Variants in GRTP1 observed in about 807,000 individuals in gnomAD.
GRTP1 encodes the protein growth hormone-regulated TBC protein 1.
In GRTP1, 56 loss-of-function variants were observed where a neutral mutation model predicts 38.1. The observed-to-expected ratio is 1.47, with a 90% CI of 1.19 to 1.84. The LOEUF is 1.84. Among genes scored for constraint, GRTP1 ranks in the 40% most tolerant of loss-of-function variants. The pLI is 0.00. For missense variants in GRTP1, 506 were observed against 453.9 expected (o/e 1.11, Z -1.04); for synonymous variants, 217 against 189.5 (o/e 1.14, Z -1.19).
chr13:113,355,317 C>A lies in GRTP1; in HGVS notation c.340+6G>T. 6.2e-7 allele frequency: 1 copy of A among 1,613,662 alleles called. No individual in the cohort carries two copies. The highest frequency in any genetic ancestry group is 8.5e-7 in the Non-Finnish European group (1 of 1,179,778). On this transcript the variant is annotated splice_donor_region_variant and intron_variant, in intron 3 of 7. Transcript: ENST00000375431. ...CTGCACCAGAGCTCGACCCCCACCG[C>A]CTCACCTGTCCTGATGGCGTCCTCC... is the stretch of plus-strand genomic sequence containing the variant.
Position 113,342,074 on chromosome 13 carries a change from C to T in GRTP1, c.562+2789G>A, listed in dbSNP as rs2043033907. ...TCTTGTGCCTCAGCCTCCTAAGTAGCTGGGATTACAGGCATCTGCCACCAC... is the reference window on the plus strand; with the variant it reads ...TCTTGTGCCTCAGCCTCCTAAGTAGTTGGGATTACAGGCATCTGCCACCAC... On this transcript the variant is annotated intron_variant, in intron 5 of 7. Coordinates refer to ENST00000375431, the MANE Select transcript of GRTP1 (RefSeq NM_024719.4). This position sits in a 1 kb window ranked among gnomAD's most constrained non-coding sequence, Gnocchi z 4.5. Among the ~76,000 whole-genome samples the T allele has an allele frequency of 6.6e-6, 1 of 152,078 alleles. No individual in the cohort carries two copies. The highest frequency in any genetic ancestry group is 1.5e-5 in the Non-Finnish European group (1 of 68,008).
intron 5 of GRTP1, among the ~76,000 whole-genome samples, chr13:113,329,052 T>C (rs1377766468): frequency 6.6e-6 from 1 of 152,230 alleles, no homozygotes; most frequent in Non-Finnish European, 1.5e-5. Context: ...AGCCACGCTT[T>C]ATGTCCCCCG....
Position 113,344,874 on chromosome 13 carries a change from C to T in GRTP1, c.551G>A (p.Arg184Lys). 13 of 1,607,696 alleles carry T rather than the reference C, an allele frequency of 8.1e-6. No individual in the cohort carries two copies. The highest frequency in any genetic ancestry group is 1.1e-5 in the Non-Finnish European group (13 of 1,178,612). Residue 184 changes from arginine to lysine, a missense_variant, in exon 5 of 8, where the codon AGA (arginine) becomes AAA (lysine). Coordinates refer to ENST00000375431, the MANE Select transcript of GRTP1 (RefSeq NM_024719.4). ...SFWLLDALVG[R>K]ILPDYYSPAM... is the part of the protein sequence containing the mutation. Reference sequence around the variant, plus strand: ...AATTTTCAACATACCTGGTAGTATTCTTCCAACAAGAGCATCTAACAGCCA... The same window carrying T: ...AATTTTCAACATACCTGGTAGTATTTTTCCAACAAGAGCATCTAACAGCCA...
At position 113,350,877 on chromosome 13, in the gene GRTP1, T is replaced by A. The variant is rs1317707242; in HGVS notation, c.437A>T (p.His146Leu). 6 of 1,587,374 alleles carry A rather than the reference T, an allele frequency of 3.8e-6. No homozygotes were observed. The highest frequency in any genetic ancestry group is 2.6e-6 in the Non-Finnish European group (3 of 1,160,186). Reference sequence around the variant, plus strand: ...GCAGTAGCCCACTCCCTGGTTATGGTGCCCATATGCCAGCAGCACATTGTA... The same window carrying A: ...GCAGTAGCCCACTCCCTGGTTATGGAGCCCATATGCCAGCAGCACATTGTA... ...TLYNVLLAYGHHNQGVGYCQG... is the reference protein window; with the variant it reads ...TLYNVLLAYGLHNQGVGYCQG... Residue 146 changes from histidine (H) to leucine (L), a missense_variant, in exon 4 of 8, where the codon CAC (histidine) becomes CTC (leucine). Transcript: ENST00000375431.
chr13:113,347,960 G>C, intron 4 of GRTP1, among the ~76,000 whole-genome samples: 1 of 151,758 alleles, frequency 6.6e-6, no homozygotes, highest in East Asian at 1.9e-4. Flanking sequence ...GCGGACCCGG[G>C]AGGACCTCTG....
chr13:113,341,360 G>C (rs2043023436), intron 5 of GRTP1, among the ~76,000 whole-genome samples: 1 of 151,890 alleles, frequency 6.6e-6, no homozygotes, highest in South Asian at 2.1e-4. Context: ...TCTGTCCCCT[G>C]GGTTCAAGCA....
At chr13:113,346,161 C>CTGACAGTGGACCCGGGAGGACCTCTGTGG (rs1566429383) in intron 4 of GRTP1, among the ~76,000 whole-genome samples, 2 of 42,934 alleles carry the variant, frequency 4.7e-5, no homozygotes, top group Non-Finnish European at 1.0e-4. Flanking sequence ...GACCTCTGTG[C>CTGACAGTGGACCCGGGAGGACCTCTGTGG]CTGACAGTGG....
In GRTP1 at chr13:113,326,096, C is replaced by T. The variant is rs2042763871; in HGVS notation, c.563-5G>A. 6.2e-7 allele frequency: 1 copy of T among 1,606,552 alleles called. No homozygotes were observed. The highest frequency in any genetic ancestry group is 8.5e-7 in the Non-Finnish European group (1 of 1,179,820). Reference sequence around the variant, plus strand: ...GCATGGCCGGGCTGTAGTAATCTGCCAGGCAATGTGGAGAAAAGACCCCGA... The same window carrying T: ...GCATGGCCGGGCTGTAGTAATCTGCTAGGCAATGTGGAGAAAAGACCCCGA... On this transcript the variant is annotated splice_region_variant and splice_polypyrimidine_tract_variant and intron_variant, in intron 5 of 7. Transcript: ENST00000375431.
intron 3 of GRTP1, among the ~76,000 whole-genome samples, chr13:113,352,286 A>ATATATT (rs2043287580): frequency 1.6e-5 from 1 of 63,778 alleles, no homozygotes; most frequent in African/African-American, 6.5e-5. Flanking sequence ...ATATATTTAT[A>ATATATT]TATATTTATA....
intron 7 of GRTP1, chr13:113,325,263 C>T (rs1054186252): frequency 1.0e-5 from 13 of 1,246,486 alleles, no homozygotes; most frequent in South Asian, 5.9e-5. Context: ...CCTCTCCTGG[C>T]GTCTTGGCTT....
chr13:113,345,118 C>T (rs1365508598), intron 4 of GRTP1, 159 bp from the exon 5 acceptor site: 1 of 299,214 alleles, frequency 3.3e-6, no homozygotes, highest in African/African-American at 2.3e-5. Context: ...TCTAGAGTCA[C>T]TAAATACCTA....
intron 5 of GRTP1, among the ~76,000 whole-genome samples, chr13:113,338,633 T>C (rs760147512): frequency 6.6e-6 from 1 of 152,076 alleles, no homozygotes; most frequent in Admixed American, 6.5e-5. Flanking sequence ...AAGACGACAA[T>C]GTGCATGACA....
chr13:113,345,853 A>G (rs1334531206), intron 4 of GRTP1, among the ~76,000 whole-genome samples: 1 of 152,228 alleles, frequency 6.6e-6, no homozygotes, highest in Non-Finnish European at 1.5e-5. Flanking sequence ...AAGCAAAAGT[A>G]ACCAGTGCAG....
intron 5 of GRTP1, among the ~76,000 whole-genome samples, chr13:113,327,211 C>T (rs755012857): frequency 2.6e-5 from 4 of 152,180 alleles, no homozygotes; most frequent in Non-Finnish European, 5.9e-5. Flanking sequence ...GAGTCTCGCT[C>T]TGTCACCGAG....
intron 2 of GRTP1, 94 bp from the exon 3 acceptor site, chr13:113,355,575 T>C: frequency 7.3e-7 from 1 of 1,366,866 alleles, no homozygotes; most frequent in Non-Finnish European, 9.7e-7. Context: ...ACCAGTTCTC[T>C]TCTTAAATCA....
At chr13:113,326,808 A>C (rs2042781644) in intron 5 of GRTP1, among the ~76,000 whole-genome samples, 1 of 152,226 alleles carries the variant, frequency 6.6e-6, no homozygotes, top group Non-Finnish European at 1.5e-5. Context: ...AGACAAGTGG[A>C]TAACCAACAT....
intron 5 of GRTP1, among the ~76,000 whole-genome samples, chr13:113,329,692 C>T (rs1312056155): frequency 6.6e-6 from 1 of 152,228 alleles, no homozygotes; most frequent in Non-Finnish European, 1.5e-5. Flanking sequence ...ACAAAGCACT[C>T]CAAGTGTTTC....
At chr13:113,338,739 A>C (rs937665202) in intron 5 of GRTP1, among the ~76,000 whole-genome samples, 6 of 152,236 alleles carry the variant, frequency 3.9e-5, no homozygotes, top group East Asian at 1.9e-4. Flanking sequence ...CGGTGGCTGC[A>C]GAAGGCTCCA....
chr13:113,337,564 G>A (rs948080874), intron 5 of GRTP1, among the ~76,000 whole-genome samples: 2 of 152,218 alleles, frequency 1.3e-5, no homozygotes, highest in African/African-American at 2.4e-5. Context: ...AAGAGGCCTC[G>A]GATTGTACAG....
Sources: gnomAD v4.1 joint callset for allele counts (sites outside exome capture counted in the v4.1 genomes callset) on GRCh38, gnomAD v4.1.1 for gene constraint, Gnocchi (gnomAD v3.1) non-coding constraint, MANE v1.5 for transcripts, NCBI Gene and HGNC (gene_info 2026-07-23, HGNC 2026-07-21) for gene names.